Variants in TMEM131 observed in about 807,000 individuals in gnomAD.
The protein encoded by TMEM131 is 2610524E03Rik.
TMEM131 carries 66 observed loss-of-function variants against 211.6 expected under a neutral mutation model. That is an observed-to-expected ratio of 0.31 (90% CI 0.26 to 0.38). The LOEUF is 0.38. TMEM131 is among the 10% of genes least tolerant of loss of function. The probability of loss-of-function intolerance (pLI) is 1.00; values close to 1 mark genes in which losing one functional copy is unlikely to be tolerated. For missense variants in TMEM131, 2,036 were observed against 2,299.3 expected (o/e 0.89, Z 2.34); for synonymous variants, 844 against 841.3 (o/e 1.00, Z -0.06).
At chr2:97,892,401 T>C (rs372399543) in intron 3 of TMEM131, among the ~76,000 whole-genome samples, 1 of 152,254 alleles carries the variant, frequency 6.6e-6, no homozygotes, top group African/African-American at 2.4e-5. Flanking sequence ...CTGTCGCCCA[T>C]GCTGGAGTGT....
At chr2:97,907,300 T>C (rs1220065727) in intron 3 of TMEM131, 1 of 151,570 alleles carries the variant, frequency 6.6e-6, no homozygotes, top group African/African-American at 2.4e-5. Context: ...GACAGAACAA[T>C]GGGGGAAAAG....
At position 97,970,740 on chromosome 2, in the gene TMEM131, G is replaced by A. The variant is rs184382197; in HGVS notation, c.187+24736C>T. Reference sequence around the variant, plus strand: ...CCTATTCCTGAAGCAAGGACAAAGTGCTGAGTGCTATGGCCAACTTCTGGT... The same window carrying A: ...CCTATTCCTGAAGCAAGGACAAAGTACTGAGTGCTATGGCCAACTTCTGGT... On this transcript the variant is annotated intron_variant, in intron 1 of 40. Coordinates refer to ENST00000186436, the MANE Select transcript of TMEM131 (RefSeq NM_015348.2). Among the ~76,000 whole-genome samples, 9 of 152,270 alleles carry A rather than the reference G, an allele frequency of 5.9e-5. No individual in the cohort carries two copies. In the South Asian group the frequency reaches 1.2e-3, roughly 21 times the overall value.
chr2:97,918,034 C>T (rs1676584110), intron 2 of TMEM131, among the ~76,000 whole-genome samples: 1 of 151,940 alleles, frequency 6.6e-6, no homozygotes, highest in South Asian at 2.1e-4. Flanking sequence ...ACAACCTCCG[C>T]CTCCCGGGTT....
chr2:97,991,864 G>C (rs1468934388), intron 1 of TMEM131, among the ~76,000 whole-genome samples: 1 of 152,176 alleles, frequency 6.6e-6, no homozygotes, highest in East Asian at 1.9e-4. Flanking sequence ...GTAACAATTA[G>C]ATGAGTTTAC....
At chr2:97,831,160 C>T (rs1253192355) in intron 11 of TMEM131, among the ~76,000 whole-genome samples, 7 of 152,240 alleles carry the variant, frequency 4.6e-5, no homozygotes. Flanking sequence ...CCTTTGCTTT[C>T]TGCCCTTCCA....
intron 3 of TMEM131, among the ~76,000 whole-genome samples, chr2:97,893,051 G>T (rs991768271): frequency 2.0e-5 from 3 of 151,800 alleles, no homozygotes; most frequent in African/African-American, 7.3e-5. Flanking sequence ...TCCCCTAGCC[G>T]CCCAACCCCC....
chr2:97,835,109 G>A (rs1268785320), intron 8 of TMEM131, among the ~76,000 whole-genome samples, 184 bp from the exon 9 acceptor site: 4 of 152,190 alleles, frequency 2.6e-5, no homozygotes, highest in Non-Finnish European at 5.9e-5. Context: ...TTTAAAATGT[G>A]AAAAATGTGC....
At chr2:97,981,268 AGTTT>A (rs1262977338) in intron 1 of TMEM131, among the ~76,000 whole-genome samples, 1 of 151,646 alleles carries the variant, frequency 6.6e-6, no homozygotes, top group African/African-American at 2.4e-5. Context: ...CATTTCCAAT[AGTTT>A]TCATTCACAA....
At position 97,783,339 on chromosome 2, in the gene TMEM131, A is replaced by G. The variant is rs141215385; in HGVS notation, c.4145-7321T>C. On this transcript the variant is annotated intron_variant, in intron 31 of 40. Coordinates refer to ENST00000186436, the MANE Select transcript of TMEM131 (RefSeq NM_015348.2). ...AAGTTACCAAAACAGAAAGGAAATG[A>G]TAAAAGAAGGAACCTTGGAGGATTA... 9.1e-4 allele frequency among the ~76,000 whole-genome samples: 138 copies of G among 152,302 alleles called. 4 individuals carry two copies. The East Asian group carries it at 0.019, about 21-fold the overall frequency.
At chr2:97,787,545 G>A (rs542330176) in intron 31 of TMEM131, among the ~76,000 whole-genome samples, 3 of 152,298 alleles carry the variant, frequency 2.0e-5, no homozygotes, top group African/African-American at 7.2e-5. Flanking sequence ...ACCTCCCATT[G>A]TCTGGGCCCC....
chr2:97,791,779 C>T (rs1401516945), intron 31 of TMEM131, among the ~76,000 whole-genome samples: 1 of 152,150 alleles, frequency 6.6e-6, no homozygotes, highest in Non-Finnish European at 1.5e-5. Flanking sequence ...GTAATTAATA[C>T]AGTAAGCAGA....
chr2:97,882,970 G>A (rs1160369909), intron 4 of TMEM131, among the ~76,000 whole-genome samples: 1 of 152,186 alleles, frequency 6.6e-6, no homozygotes, highest in African/African-American at 2.4e-5. Flanking sequence ...CATAGATCTA[G>A]AGGCTGGGAA....
chr2:97,768,079 C>T (rs1559346635), intron 33 of TMEM131, among the ~76,000 whole-genome samples: 1 of 151,892 alleles, frequency 6.6e-6, no homozygotes, highest in Non-Finnish European at 1.5e-5. Flanking sequence ...TCTTTTGTTT[C>T]GTTGTATTTC....
intron 32 of TMEM131, among the ~76,000 whole-genome samples, chr2:97,773,847 G>A (rs1439129371): frequency 6.6e-6 from 1 of 152,098 alleles, no homozygotes; most frequent in Non-Finnish European, 1.5e-5. Context: ...CTCGCCTGGG[G>A]AGCTGCATGT....
intron 1 of TMEM131, among the ~76,000 whole-genome samples, chr2:97,977,612 A>G (rs1486816496): frequency 6.6e-6 from 1 of 152,240 alleles, no homozygotes; most frequent in Non-Finnish European, 1.5e-5. Flanking sequence ...TAAGAGCGCA[A>G]TAGCATTGTA....
chr2:97,894,129 A>G (rs189528251), intron 3 of TMEM131, among the ~76,000 whole-genome samples: 45 of 152,352 alleles, frequency 3.0e-4, no homozygotes, highest in African/African-American at 1.1e-3. Flanking sequence ...CATTTATTAA[A>G]TAGGGAATCC....
intron 4 of TMEM131, among the ~76,000 whole-genome samples, chr2:97,877,718 A>G (rs2104172971): frequency 6.6e-6 from 1 of 152,354 alleles, no homozygotes; most frequent in African/African-American, 2.4e-5. Flanking sequence ...AGATGGATCA[A>G]AGACTTAAAC....
intron 1 of TMEM131, among the ~76,000 whole-genome samples, chr2:97,976,960 C>CA (rs34708023): frequency 0.04 from 4,465 of 112,124 alleles, 158 homozygotes; most frequent in African/African-American, 0.083. Context: ...TATTTATATG[C>CA]AAAAAAAAAA....
chr2:97,847,870 T>C (rs1244213935), intron 5 of TMEM131, among the ~76,000 whole-genome samples: 1 of 152,162 alleles, frequency 6.6e-6, no homozygotes, highest in African/African-American at 2.4e-5. Context: ...TGTACATCTT[T>C]AAAGTTAATT....
Sources: allele counts gnomAD v4.1 joint callset (sites outside exome capture counted in the v4.1 genomes callset), GRCh38; gene constraint gnomAD v4.1.1; transcripts MANE v1.5; gene names NCBI Gene and HGNC (gene_info 2026-07-23, HGNC 2026-07-21).